Variants in SMYD3 observed in about 807,000 individuals in gnomAD.
SMYD3 encodes the protein SET and MYND domain containing 3.
Under a neutral mutation model 57.7 loss-of-function variants are expected in SMYD3, and 36 were observed. The observed-to-expected ratio is 0.62, with a 90% CI of 0.48 to 0.82. The LOEUF (loss-of-function observed/expected upper bound fraction) is 0.82, where lower values mean the gene tolerates loss of function less well. Ranked by LOEUF, SMYD3 falls within the 40% of genes least tolerant of loss-of-function variation. The pLI is 0.00. For synonymous variants in SMYD3, 211 were observed against 195.0 expected (o/e 1.08, Z -0.68); for missense variants, 515 against 538.8 (o/e 0.96, Z 0.44).
At chr1:246,268,327 C>T (rs766418812) in intron 5 of SMYD3, among the ~76,000 whole-genome samples, 1 of 152,176 alleles carries the variant, frequency 6.6e-6, no homozygotes, top group Non-Finnish European at 1.5e-5. Context: ...TTACAAATGC[C>T]ATGGCAACAT....
intron 5 of SMYD3, among the ~76,000 whole-genome samples, chr1:246,002,152 C>A (rs998647064): frequency 6.6e-6 from 1 of 152,056 alleles, no homozygotes; most frequent in Non-Finnish European, 1.5e-5. Flanking sequence ...TGTGAGGAGA[C>A]TCCGGTCTGA....
At chr1:246,087,457 T>A (rs1435541657) in intron 5 of SMYD3, among the ~76,000 whole-genome samples, 3 of 152,092 alleles carry the variant, frequency 2.0e-5, no homozygotes, top group Non-Finnish European at 4.4e-5. Context: ...TGATTTCTCC[T>A]CCAGACCATT....
chr1:246,260,277 A>G (rs78356984), intron 5 of SMYD3, among the ~76,000 whole-genome samples: 4,577 of 152,154 alleles, frequency 0.03, 306 homozygotes, highest in East Asian at 0.24. Flanking sequence ...AAATGCCTGG[A>G]GATCTGCCTA....
intron 5 of SMYD3, among the ~76,000 whole-genome samples, chr1:245,993,659 C>T (rs1012133893): frequency 1.3e-4 from 15 of 113,838 alleles, no homozygotes; most frequent in Admixed American, 4.7e-4. Flanking sequence ...GACAGACAGA[C>T]AGACAGATAT....
chr1:246,360,968 A>C (rs2065977697), intron 1 of SMYD3, among the ~76,000 whole-genome samples: 1 of 152,186 alleles, frequency 6.6e-6, no homozygotes, highest in Non-Finnish European at 1.5e-5. Flanking sequence ...TTAAACCAAA[A>C]AGTTTCTGCA....
intron 10 of SMYD3, among the ~76,000 whole-genome samples, chr1:245,831,975 T>C (rs183992320): frequency 5.7e-4 from 87 of 152,348 alleles, no homozygotes; most frequent in Middle Eastern, 3.4e-3. Flanking sequence ...CAGATATCAG[T>C]TTCCTAAAGC....
intron 5 of SMYD3, among the ~76,000 whole-genome samples, chr1:246,158,071 G>A (rs944231233): frequency 3.3e-5 from 5 of 152,202 alleles, no homozygotes; most frequent in Non-Finnish European, 7.3e-5. Flanking sequence ...AGCACTAGCT[G>A]GGGAAGCACA....
chr1:246,254,024 ACTT>A lies in SMYD3; in HGVS notation c.531+73174_531+73176del, dbSNP rs559923696. 2.5e-3 allele frequency among the ~76,000 whole-genome samples: 374 copies of A among 152,086 alleles called. 1 individual carries two copies. The highest frequency in any genetic ancestry group is 4.0e-3 in the Admixed American group (61 of 15,258). ...GCCTCACCAAAATCTGTTGTTTTTT[ACTT>A]CTTAATAATAGGCATTCTATTAAAA... is the stretch of plus-strand genomic sequence containing the variant. On this transcript the variant is annotated intron_variant, in intron 5 of 11. Transcript: ENST00000490107.
intron 5 of SMYD3, among the ~76,000 whole-genome samples, chr1:246,315,859 T>TTTA (rs2065147439): frequency 2.6e-5 from 4 of 152,196 alleles, no homozygotes; most frequent in African/African-American, 9.6e-5. Context: ...ATCCCCAAAC[T>TTTA]CGCCTGCTTA....
chr1:246,434,511 T>C (rs2067341383), intron 1 of SMYD3, among the ~76,000 whole-genome samples: 1 of 152,106 alleles, frequency 6.6e-6, no homozygotes. Context: ...ACTTCTCAAA[T>C]GAAGACACAC....
chr1:246,176,686 C>T (rs369104243), intron 5 of SMYD3, among the ~76,000 whole-genome samples: 2 of 152,096 alleles, frequency 1.3e-5, no homozygotes, highest in Non-Finnish European at 2.9e-5. Context: ...ACATGCCTGG[C>T]AAATTACTGT....
intron 8 of SMYD3, among the ~76,000 whole-genome samples, chr1:245,875,473 C>G (rs565864910): frequency 2.0e-5 from 3 of 152,224 alleles, no homozygotes; most frequent in Non-Finnish European, 4.4e-5. Flanking sequence ...CCGCCTGAGT[C>G]GTGCACATCT....
intron 10 of SMYD3, among the ~76,000 whole-genome samples, chr1:245,778,160 T>A (rs2817486): frequency 6.6e-6 from 1 of 152,130 alleles, no homozygotes; most frequent in East Asian, 1.9e-4. Flanking sequence ...TTTGTAGATA[T>A]AGACAAACTG....
intron 5 of SMYD3, among the ~76,000 whole-genome samples, chr1:246,281,219 G>C (rs561587861): frequency 6.6e-6 from 1 of 152,208 alleles, no homozygotes; most frequent in Non-Finnish European, 1.5e-5. Flanking sequence ...CATTCAGCCC[G>C]TGGTAGAGCC....
At chr1:246,309,282 A>G (rs1203114539) in intron 5 of SMYD3, among the ~76,000 whole-genome samples, 1 of 152,228 alleles carries the variant, frequency 6.6e-6, no homozygotes, top group Non-Finnish European at 1.5e-5. Context: ...ACATTATGCC[A>G]TGGATGGGAA....
intron 10 of SMYD3, among the ~76,000 whole-genome samples, chr1:245,852,993 C>G (rs1040039045): frequency 2.6e-5 from 4 of 152,162 alleles, no homozygotes; most frequent in Admixed American, 2.0e-4. Flanking sequence ...ACTAAAGATA[C>G]TTTAATTGAA....
chr1:245,849,423 T>A (rs1239229316), intron 10 of SMYD3, among the ~76,000 whole-genome samples: 3 of 152,070 alleles, frequency 2.0e-5, no homozygotes, highest in African/African-American at 7.2e-5. Flanking sequence ...TTGAGGGGGT[T>A]TGGGGGGCAG....
chr1:246,209,530 G>C (rs952631411), intron 5 of SMYD3, among the ~76,000 whole-genome samples: 15 of 151,920 alleles, frequency 9.9e-5, no homozygotes, highest in Admixed American at 7.9e-4. Flanking sequence ...TTTATTAAAG[G>C]ACTGGTCAGA....
At chr1:245,870,073 G>C (rs2052096797) in intron 8 of SMYD3, among the ~76,000 whole-genome samples, 1 of 152,146 alleles carries the variant, frequency 6.6e-6, no homozygotes, top group South Asian at 2.1e-4. Context: ...TGCCTGCAAG[G>C]TAAATCACTC....
Sources: allele counts gnomAD v4.1 joint callset (sites outside exome capture counted in the v4.1 genomes callset), GRCh38; gene constraint gnomAD v4.1.1; transcripts MANE v1.5; gene names NCBI Gene and HGNC (gene_info 2026-07-23, HGNC 2026-07-21).